The following MYOM3 variants were observed in gnomAD, a reference collection of about 807,000 sequenced individuals.
The protein encoded by MYOM3 is myomesin-3.
A neutral mutation model predicts 191.7 loss-of-function variants in MYOM3; 155 were observed. The observed-to-expected ratio is 0.81, with a 90% CI of 0.71 to 0.92. MYOM3 has a LOEUF of 0.92. Ranked by LOEUF, MYOM3 falls within the 40% of genes least tolerant of loss-of-function variation. The pLI is 0.00. For synonymous variants in MYOM3, 757 were observed against 762.9 expected (o/e 0.99, Z 0.13); for missense variants, 1,889 against 1,890.6 (o/e 1.00, Z 0.02).
At position 24,084,575 on chromosome 1, in the gene MYOM3, T is replaced by C. The variant is rs769175904; in HGVS notation, c.1863A>G (p.Thr621=). 1.9e-6 allele frequency: 3 copies of C among 1,614,134 alleles called. No individual in the cohort carries two copies. Among genetic ancestry groups the C allele is most frequent in the South Asian group, 1.1e-5 (1 of 91,080 alleles). ...FRDTQTSVSL[T]WDPVKDPELL... is the part of the protein sequence containing the mutation. ...GCTCTGGGTCTTTCACAGGATCCCATGTCAGGGAGACAGAGGTCTGTGTGT... is the reference window on the plus strand; with the variant it reads ...GCTCTGGGTCTTTCACAGGATCCCACGTCAGGGAGACAGAGGTCTGTGTGT... Residue 621 remains threonine, a synonymous_variant, in exon 16 of 37, where the codon ACA becomes ACG. Transcript: ENST00000374434.
chr1:24,093,204 C>T (rs929381149), intron 9 of MYOM3, 96 bp from the exon 10 acceptor site: 1 of 771,710 alleles, frequency 1.3e-6, no homozygotes, highest in Non-Finnish European at 2.2e-6. Flanking sequence ...CCTGGCTGGG[C>T]AGAGAGAGAG....
chr1:24,074,355 C>T, intron 22 of MYOM3, 86 bp from the exon 23 acceptor site: 1 of 1,011,066 alleles, frequency 9.9e-7, no homozygotes, highest in Non-Finnish European at 1.5e-6. Context: ...GTCCAGGTTG[C>T]TTCTGGTGAG....
chr1:24,082,639 G>T lies in MYOM3; in HGVS notation c.2046C>A (p.Gly682=), dbSNP rs12072601. The part of the protein sequence containing the change: ...CVRSVSEAGV[G]ESSAATEPIR... ...TGGGCTCGGTGGCGGCTGAGCTCTC[G>T]CCTACCCCAGCCTCGCTGACTGACC... The change falls in exon 17 of 37, where the codon GGC becomes GGA. Residue 682 remains glycine (G), a synonymous_variant. Coordinates refer to ENST00000374434, the MANE Select transcript of MYOM3 (RefSeq NM_152372.4). The T allele has an allele frequency of 6.2e-7, 1 of 1,612,120 alleles. No individual in the cohort carries two copies. Among genetic ancestry groups the T allele is most frequent in the Non-Finnish European group, 8.5e-7 (1 of 1,179,308 alleles).
In MYOM3 at chr1:24,064,148, C is replaced by T. The variant is rs1187253364; in HGVS notation, c.3546G>A (p.Lys1182=). Reference sequence around the variant, plus strand: ...CCATCGCTCTGTAAATTCCCTTGTCCTTTTTGGACAACTGGAAAGAAGGAT... The same window carrying T: ...CCATCGCTCTGTAAATTCCCTTGTCTTTTTTGGACAACTGGAAAGAAGGAT... ...GLLCIEELSK[K]DKGIYRAMVS... Residue 1182 remains lysine (K), a synonymous_variant, in exon 30 of 37, where the codon AAG becomes AAA. Transcript: ENST00000374434. 1.2e-6 allele frequency: 2 copies of T among 1,613,708 alleles called. No homozygotes were observed. The highest frequency in any genetic ancestry group is 8.5e-7 in the Non-Finnish European group (1 of 1,179,872).
At chr1:24,082,305 T>G in intron 17 of MYOM3, 117 bp from the exon 18 acceptor site, 1 of 1,044,914 alleles carries the variant, frequency 9.6e-7, no homozygotes, top group Non-Finnish European at 1.4e-6. Context: ...CTCCAGGGGT[T>G]TTTCCCTGAG....
At position 24,080,003 on chromosome 1, in the gene MYOM3, C is replaced by T; in HGVS notation, c.2586+13G>A. On this transcript the variant is annotated intron_variant, in intron 20 of 36. Transcript: ENST00000374434. ...CTCAGGGCCAGTCAGAAGATGAAGG[C>T]ATAAGAACTTACCCTCAGGTGGGTG... 1 of 1,601,364 alleles carries T rather than the reference C, an allele frequency of 6.2e-7. No individual in the cohort carries two copies. The highest frequency in any genetic ancestry group is 8.5e-7 in the Non-Finnish European group (1 of 1,173,770).
intron 23 of MYOM3, 110 bp downstream of exon 23, chr1:24,074,050 T>G: frequency 3.9e-6 from 3 of 777,786 alleles, no homozygotes; most frequent in Non-Finnish European, 6.6e-6. Context: ...TACTTCTCTG[T>G]GGAAATTGCC....
At position 24,082,183 on chromosome 1, in the gene MYOM3, G is replaced by A; in HGVS notation, c.2098C>T (p.Pro700Ser). ...PIRVKQALAT[P>S]SAPYGFALLN... ...AGGGCAAAGCCATATGGGGCAGACG[G>A]GGTAGCTACAGGGAGGTAAGGAGGT... Residue 700 changes from proline (P) to serine (S), a missense_variant, in exon 18 of 37, where the codon CCG becomes TCG. By Grantham distance (74) the Pro-to-Ser change is moderately conservative. Transcript: ENST00000374434. 2 of 1,607,578 alleles carry A rather than the reference G, an allele frequency of 1.2e-6. No individual in the cohort carries two copies. The highest frequency in any genetic ancestry group is 1.7e-6 in the Non-Finnish European group (2 of 1,176,846).
At chr1:24,096,129 C>A (rs889684358) in intron 7 of MYOM3, among the ~76,000 whole-genome samples, 1 of 152,294 alleles carries the variant, frequency 6.6e-6, no homozygotes, top group South Asian at 2.1e-4. Flanking sequence ...ACCCCAGCAG[C>A]CTGAAGCTAT....
intron 36 of MYOM3, among the ~76,000 whole-genome samples, chr1:24,058,077 G>C (rs1038544099): frequency 6.6e-6 from 1 of 152,168 alleles, no homozygotes; most frequent in African/African-American, 2.4e-5. Context: ...AAAGTGCTGG[G>C]ATTACAGGCG....
intron 6 of MYOM3, among the ~76,000 whole-genome samples, chr1:24,099,097 G>C (rs532050873): frequency 2.6e-5 from 4 of 152,196 alleles, no homozygotes; most frequent in African/African-American, 9.6e-5. Context: ...ACAGGCCTTG[G>C]GGAGGACTGC....
At position 24,080,124 on chromosome 1, in the gene MYOM3, C is replaced by G. The variant is rs1192573375; in HGVS notation, c.2478G>C (p.Leu826=). Residue 826 remains leucine, a synonymous_variant, in exon 20 of 37, where the codon CTG becomes CTC. Coordinates refer to ENST00000374434, the MANE Select transcript of MYOM3 (RefSeq NM_152372.4). ...TSLVLQWEPP[L]YMGAGPVTGY... ...CTGTGACAGGCCCAGCCCCCATATA[C>G]AGTGGGGGTTCCCACTGCAGCACCA... 2 of 1,613,788 alleles carry G rather than the reference C, an allele frequency of 1.2e-6. No homozygotes were observed. Among genetic ancestry groups the G allele is most frequent in the Non-Finnish European group, 1.7e-6 (2 of 1,179,690 alleles).
intron 1 of MYOM3, among the ~76,000 whole-genome samples, chr1:24,110,339 CGTGT>C (rs34593861): frequency 6.6e-6 from 1 of 151,382 alleles, no homozygotes; most frequent in African/African-American, 2.4e-5. Context: ...GAGGTGGCAG[CGTGT>C]GTGTGTGTGG....
chr1:24,060,112 A>C (rs1213448063), intron 35 of MYOM3, among the ~76,000 whole-genome samples: 1 of 152,196 alleles, frequency 6.6e-6, no homozygotes, highest in African/African-American at 2.4e-5. Flanking sequence ...GCTTCTGTTC[A>C]GGATGACGCA....
At chr1:24,080,293 A>C (rs1643651624) in intron 19 of MYOM3, 99 bp from the exon 20 acceptor site, 1 of 949,968 alleles carries the variant, frequency 1.1e-6, no homozygotes. Context: ...AAGCTTGTCA[A>C]TCCCTCAGTC....
chr1:24,081,307 C>G (rs373142514), intron 19 of MYOM3, 23 bp downstream of exon 19: 151 of 1,612,356 alleles, frequency 9.4e-5, no homozygotes, highest in Non-Finnish European at 1.1e-4. Context: ...AGGCACTGGA[C>G]TTCAGGCCTG....
chr1:24,081,187 T>C, intron 19 of MYOM3, 143 bp downstream of exon 19: 1 of 1,039,972 alleles, frequency 9.6e-7, no homozygotes, highest in Non-Finnish European at 1.4e-6. Flanking sequence ...AGAGTGGGTT[T>C]GTGCAAGGGC....
rs970588460 is a variant in MYOM3 at position 24,105,970 on chromosome 1, C to T, written c.510G>A (p.Thr170=). 6 of 1,613,830 alleles carry T rather than the reference C, an allele frequency of 3.7e-6. No homozygotes were observed. In the African/African-American group the frequency reaches 4.0e-5, roughly 11 times the overall value. Residue 170 remains threonine (T), a synonymous_variant, in exon 5 of 37, where the codon ACG becomes ACA. Coordinates refer to ENST00000374434, the MANE Select transcript of MYOM3 (RefSeq NM_152372.4). Reference sequence around the variant, plus strand: ...CCTGGACAGTGCAGGTCAGCAGGACCGTGGTGTGCTCCCAGACGGCGTGGG... The same window carrying T: ...CCTGGACAGTGCAGGTCAGCAGGACTGTGGTGTGCTCCCAGACGGCGTGGG... ...LRSHAVWEHT[T]VLLTCTVQAS... is the part of the protein sequence containing the mutation.
chr1:24,073,170 G>A (rs909308278), intron 23 of MYOM3, among the ~76,000 whole-genome samples: 1 of 152,140 alleles, frequency 6.6e-6, no homozygotes, highest in African/African-American at 2.4e-5. Context: ...GGAAACTGAG[G>A]CCCAGGAAGG....
Sources: allele counts gnomAD v4.1 joint callset (sites outside exome capture counted in the v4.1 genomes callset), GRCh38; gene constraint gnomAD v4.1.1; transcripts MANE v1.5; gene names NCBI Gene and HGNC (gene_info 2026-07-23, HGNC 2026-07-21).